SNTG2: variants seen among roughly 807,000 people sequenced by gnomAD.
SNTG2 encodes the protein syntrophin gamma 2.
A neutral mutation model predicts 70.9 loss-of-function variants in SNTG2; 74 were observed. The observed-to-expected ratio is 1.04, with a 90% CI of 0.86 to 1.27. The LOEUF (loss-of-function observed/expected upper bound fraction) is 1.27, where lower values mean the gene tolerates loss of function less well. Among genes scored for constraint, SNTG2 ranks in the 50% most tolerant of loss-of-function variants. SNTG2 has a pLI of 0.00. For synonymous variants in SNTG2, 278 were observed against 273.8 expected, an observed-to-expected ratio of 1.02 and a Z score of -0.15; for missense variants, 717 against 690.7, an observed-to-expected ratio of 1.04 and a Z score of -0.43.
intron 11 of SNTG2, among the ~76,000 whole-genome samples, chr2:1,244,062 G>A (rs28576536): frequency 0.32 from 48,461 of 152,086 alleles, 9,318 homozygotes; most frequent in African/African-American, 0.55. Flanking sequence ...TGGGGAAGTG[G>A]AGGAAGTAAA....
chr2:1,187,797 G>A (rs1442351240), intron 8 of SNTG2, among the ~76,000 whole-genome samples: 1 of 152,142 alleles, frequency 6.6e-6, no homozygotes, highest in Non-Finnish European at 1.5e-5. Flanking sequence ...AAATAGTGCA[G>A]TATTATTTTC....
chr2:956,668 C>G (rs571904171), intron 1 of SNTG2, among the ~76,000 whole-genome samples: 2 of 152,368 alleles, frequency 1.3e-5, no homozygotes, highest in East Asian at 3.9e-4. Context: ...CTGCTGTGAG[C>G]CCGTGGAGGG....
intron 1 of SNTG2, among the ~76,000 whole-genome samples, chr2:1,022,491 C>T (rs1660243828): frequency 6.6e-6 from 1 of 151,816 alleles, no homozygotes; most frequent in South Asian, 2.1e-4. Flanking sequence ...TCCCGTGAGT[C>T]CCTGAGTTCC....
At chr2:1,091,612 G>A (rs10865543) in intron 2 of SNTG2, among the ~76,000 whole-genome samples, 120,133 of 152,066 alleles carry the variant, frequency 0.79, 47,678 homozygotes, top group Admixed American at 0.88. Flanking sequence ...CCCGCCAAGG[G>A]CAGCTTTTGT....
chr2:1,221,493 C>CTG (rs1231487098), intron 9 of SNTG2, among the ~76,000 whole-genome samples: 1 of 16,824 alleles, frequency 5.9e-5, no homozygotes, highest in Non-Finnish European at 1.4e-4. Context: ...CTCTCTGTCT[C>CTG]TCTCTGTCTC....
chr2:1,006,406 A>AC (rs1199412319), intron 1 of SNTG2, among the ~76,000 whole-genome samples: 2 of 55,384 alleles, frequency 3.6e-5, no homozygotes, highest in Non-Finnish European at 7.9e-5. Context: ...GAATTTCAAA[A>AC]AAAAAAGAAA....
Position 1,367,326 on chromosome 2 carries a change from C to T in SNTG2, c.1489-17C>T. 6.6e-7 allele frequency: 1 copy of T among 1,521,960 alleles called. No individual in the cohort carries two copies. The highest frequency in any genetic ancestry group is 8.8e-7 in the Non-Finnish European group (1 of 1,133,266). The allele number at this position is 1,521,960 out of a possible 1,614,324, so 94.3% of individuals were successfully genotyped here. Reference sequence around the variant, plus strand: ...CCAACAATTATAATAAACACTTGATCTGATTTTCTCCTCCAGGAACTCGAG... The same window carrying T: ...CCAACAATTATAATAAACACTTGATTTGATTTTCTCCTCCAGGAACTCGAG... On this transcript the variant is annotated splice_polypyrimidine_tract_variant and intron_variant, in intron 16 of 16. Transcript: ENST00000308624.
chr2:1,043,326 C>T (rs1661547711), intron 1 of SNTG2, among the ~76,000 whole-genome samples: 1 of 152,032 alleles, frequency 6.6e-6, no homozygotes, highest in Non-Finnish European at 1.5e-5. Flanking sequence ...ATACCCTTAT[C>T]AGATGCATAG....
At chr2:1,316,913 G>T (rs1442352646) in intron 16 of SNTG2, among the ~76,000 whole-genome samples, 68 of 82,652 alleles carry the variant, frequency 8.2e-4, no homozygotes, top group African/African-American at 1.2e-3. Context: ...CTGGAGCATT[G>T]AGCATCAGGC....
chr2:1,196,658 C>T (rs906806450), intron 8 of SNTG2, among the ~76,000 whole-genome samples: 1 of 152,090 alleles, frequency 6.6e-6, no homozygotes, highest in Admixed American at 6.6e-5. Context: ...TAAGGGAGAA[C>T]CTCCATCAAG....
chr2:1,079,523 G>A (rs1211041271), intron 1 of SNTG2, among the ~76,000 whole-genome samples: 1 of 152,144 alleles, frequency 6.6e-6, no homozygotes, highest in Admixed American at 6.5e-5. Context: ...TGGTTCGCAC[G>A]GTGTAATAAA....
intron 1 of SNTG2, among the ~76,000 whole-genome samples, chr2:960,789 A>G (rs1051328199): frequency 4.1e-5 from 6 of 145,842 alleles, no homozygotes; most frequent in Non-Finnish European, 8.9e-5. Context: ...TAGGTTCTGA[A>G]GGGGGTGCTC....
chr2:993,622 A>G (rs868654208), intron 1 of SNTG2, among the ~76,000 whole-genome samples: 1 of 152,172 alleles, frequency 6.6e-6, no homozygotes, highest in Non-Finnish European at 1.5e-5. Context: ...TGGATCAAGA[A>G]AATTGTACCA....
chr2:1,089,623 A>T (rs1295767006), intron 2 of SNTG2, among the ~76,000 whole-genome samples: 3 of 88,544 alleles, frequency 3.4e-5, no homozygotes, highest in Non-Finnish European at 7.3e-5. Context: ...TGACAGAGCG[A>T]AACTCCGTCT....
At chr2:1,109,235 CCCAGTTCATA>C in intron 4 of SNTG2, among the ~76,000 whole-genome samples, 1 of 152,106 alleles carries the variant, frequency 6.6e-6, no homozygotes, top group Middle Eastern at 3.4e-3. Context: ...TCGGTGATCA[CCCAGTTCATA>C]CTTAATGAAA....
chr2:1,157,128 C>T (rs1026245554), intron 6 of SNTG2, among the ~76,000 whole-genome samples: 3 of 152,224 alleles, frequency 2.0e-5, no homozygotes, highest in African/African-American at 7.2e-5. Context: ...AACTCGGCTT[C>T]TTCCTGACTC....
At chr2:1,307,099 CTG>C (rs544502993) in intron 14 of SNTG2, among the ~76,000 whole-genome samples, 8 of 138,332 alleles carry the variant, frequency 5.8e-5, no homozygotes, top group Admixed American at 2.9e-4. Context: ...GAACCATGCA[CTG>C]TGTGTGTGTG....
intron 15 of SNTG2, among the ~76,000 whole-genome samples, chr2:1,311,962 C>T (rs1681014673): frequency 6.6e-6 from 1 of 152,148 alleles, no homozygotes. Flanking sequence ...CAACCCAACT[C>T]ATTTGCAGGG....
At chr2:1,329,935 G>T (rs1659432011) in intron 16 of SNTG2, among the ~76,000 whole-genome samples, 1 of 152,196 alleles carries the variant, frequency 6.6e-6, no homozygotes, top group African/African-American at 2.4e-5. Context: ...AGGCTTCCAA[G>T]AGGTGGGAAA....
Sources: allele counts gnomAD v4.1 joint callset (sites outside exome capture counted in the v4.1 genomes callset), GRCh38; gene constraint gnomAD v4.1.1; transcripts MANE v1.5; gene names NCBI Gene and HGNC (gene_info 2026-07-23, HGNC 2026-07-21).